The following CATSPERT variants were observed in gnomAD, a reference collection of about 807,000 sequenced individuals.
CATSPERT encodes catsper channel auxiliary subunit tau.
the CATSPERT span, among the ~76,000 whole-genome samples, chr2:201,548,543 A>G: frequency 2.0e-5 from 3 of 152,100 alleles, no homozygotes; most frequent in African/African-American, 7.2e-5. Context: ...TAATTATTCA[A>G]TACATATACA....
the CATSPERT span, among the ~76,000 whole-genome samples, chr2:201,616,504 A>G: frequency 6.6e-6 from 1 of 152,258 alleles, no homozygotes; most frequent in African/African-American, 2.4e-5. Context: ...ACAAAATTCA[A>G]CAGCCCTTCA....
At chr2:201,494,442 A>G in the CATSPERT span, 2 of 1,537,554 alleles carry the variant, frequency 1.3e-6, no homozygotes, top group Non-Finnish European at 1.7e-6. Context: ...GTAAAGATAC[A>G]TTTGGTAGAT....
the CATSPERT span, chr2:201,545,605 T>G: frequency 9.9e-7 from 1 of 1,008,948 alleles, no homozygotes; most frequent in Non-Finnish European, 1.3e-6. Flanking sequence ...TTCAGATGCC[T>G]CATCTATATT....
the CATSPERT span, among the ~76,000 whole-genome samples, chr2:201,577,357 A>G: frequency 6.6e-6 from 1 of 152,186 alleles, no homozygotes; most frequent in African/African-American, 2.4e-5. Context: ...TCCTCAAAAA[A>G]TTAAAAATAT....
the CATSPERT span, among the ~76,000 whole-genome samples, chr2:201,567,479 G>C: frequency 6.6e-6 from 1 of 152,302 alleles, no homozygotes; most frequent in Non-Finnish European, 1.5e-5. Flanking sequence ...GCAAGCTGGA[G>C]ACCCAGGAGA....
At chr2:201,616,934 A>G in the CATSPERT span, among the ~76,000 whole-genome samples, 1 of 152,236 alleles carries the variant, frequency 6.6e-6, no homozygotes, top group Non-Finnish European at 1.5e-5. Flanking sequence ...AGAGAGCCAA[A>G]TCATGAGGGA....
chr2:201,522,745 A>C, the CATSPERT span, among the ~76,000 whole-genome samples: 1,095 of 152,180 alleles, frequency 7.2e-3, 17 homozygotes, highest in African/African-American at 0.025. Flanking sequence ...GTGCAGGAAA[A>C]CTGCAGTGGA....
At chr2:201,492,883 CTTAA>C in the CATSPERT span, 2 of 1,536,530 alleles carry the variant, frequency 1.3e-6, no homozygotes, top group Middle Eastern at 3.3e-4. Flanking sequence ...GATTTGTTTA[CTTAA>C]TTCAGATTTT....
the CATSPERT span, among the ~76,000 whole-genome samples, chr2:201,569,305 C>T: frequency 6.6e-6 from 1 of 152,098 alleles, no homozygotes; most frequent in Non-Finnish European, 1.5e-5. Flanking sequence ...TTTGTTCCCT[C>T]GACCCAGAAC....
chr2:201,601,903 T>C, the CATSPERT span: 781 of 1,545,562 alleles, frequency 5.1e-4, 8 homozygotes, highest in Admixed American at 7.0e-4. Flanking sequence ...AGAATGATAT[T>C]CAGGAAATAA....
At chr2:201,609,686 A>G in the CATSPERT span, among the ~76,000 whole-genome samples, 1 of 152,212 alleles carries the variant, frequency 6.6e-6, no homozygotes, top group Admixed American at 6.5e-5. Context: ...GATACAGCAA[A>G]AGCAGTGCTA....
the CATSPERT span, chr2:201,575,429 G>GCACCA: frequency 4.8e-5 from 35 of 736,766 alleles, no homozygotes; most frequent in Non-Finnish European, 6.0e-5. Context: ...GACTGGTGCT[G>GCACCA]GTCCATGGCC....
the CATSPERT span, chr2:201,493,721 A>C: frequency 6.5e-7 from 1 of 1,537,370 alleles, no homozygotes; most frequent in East Asian, 2.4e-5. Context: ...AATTCTGAGA[A>C]TATTGGTGCA....
chr2:201,504,656 C>T, the CATSPERT span, among the ~76,000 whole-genome samples: 12 of 152,196 alleles, frequency 7.9e-5, no homozygotes, highest in Non-Finnish European at 2.9e-5. Context: ...GGACTGCCCT[C>T]CTGACTCACT....
the CATSPERT span, among the ~76,000 whole-genome samples, chr2:201,532,561 G>A: frequency 3.0e-4 from 46 of 152,082 alleles, no homozygotes; most frequent in Admixed American, 1.1e-3. Context: ...AAAGTTACAG[G>A]GCTGAATGAA....
the CATSPERT span, among the ~76,000 whole-genome samples, chr2:201,556,292 G>A: frequency 1.3e-5 from 2 of 151,814 alleles, no homozygotes; most frequent in East Asian, 2.0e-4. Flanking sequence ...GGCGGATCAC[G>A]AGGTCAGGAG....
the CATSPERT span, chr2:201,618,794 G>T: frequency 1.1e-6 from 1 of 881,968 alleles, no homozygotes; most frequent in Non-Finnish European, 1.7e-6. Flanking sequence ...GCCAATTGAA[G>T]GGAGATGCAA....
At chr2:201,590,902 G>A in the CATSPERT span, among the ~76,000 whole-genome samples, 2 of 151,698 alleles carry the variant, frequency 1.3e-5, no homozygotes, top group African/African-American at 4.8e-5. Flanking sequence ...AGATGAGTAG[G>A]TTGCGAAAAT....
the CATSPERT span, among the ~76,000 whole-genome samples, chr2:201,584,067 T>C: frequency 6.6e-6 from 1 of 152,002 alleles, no homozygotes; most frequent in African/African-American, 2.4e-5. Context: ...GGTGGGTGAA[T>C]TGCTTCAGCC....
Sources: allele counts gnomAD v4.1 joint callset (sites outside exome capture counted in the v4.1 genomes callset), GRCh38; gene constraint gnomAD v4.1.1; transcripts MANE v1.5; gene names NCBI Gene and HGNC (gene_info 2026-07-23, HGNC 2026-07-21).